The following HNF4A variants were observed in gnomAD, a reference collection of about 807,000 sequenced individuals.
HNF4A encodes hepatocyte nuclear factor 4-alpha.
In HNF4A, 15 loss-of-function variants were observed where a neutral mutation model predicts 52.4. That is an observed-to-expected ratio of 0.29 (90% CI 0.19 to 0.44). HNF4A has a LOEUF of 0.44. HNF4A is among the 20% of genes least tolerant of loss of function. The pLI is 1.00. For missense variants in HNF4A, 479 were observed against 647.2 expected (o/e 0.74, Z 2.82); for synonymous variants, 280 against 264.4 (o/e 1.06, Z -0.57).
intron 1 of HNF4A, among the ~76,000 whole-genome samples, chr20:44,368,137 T>TAC (rs1266975478): frequency 4.0e-3 from 167 of 41,484 alleles, no homozygotes; most frequent in African/African-American, 0.019. Flanking sequence ...TGTGTGTGTA[T>TAC]ATACATATAT....
chr20:44,429,326 G>C (rs532604755), intron 9 of HNF4A, among the ~76,000 whole-genome samples, 197 bp from the exon 10 acceptor site: 52 of 151,736 alleles, frequency 3.4e-4, no homozygotes, highest in African/African-American at 1.1e-3. Context: ...TAGGCTTTAT[G>C]ATCTGGGACT....
chr20:44,369,780 G>A (rs953855675), intron 1 of HNF4A, among the ~76,000 whole-genome samples: 1 of 151,862 alleles, frequency 6.6e-6, no homozygotes, highest in African/African-American at 2.4e-5. Flanking sequence ...GATTACAGGC[G>A]CGTGTCACCA....
Position 44,413,744 on chromosome 20 carries a change from G to A in HNF4A, c.436G>A (p.Asp146Asn). 6.2e-7 allele frequency: 1 copy of A among 1,614,000 alleles called. No individual in the cohort carries two copies. The highest frequency in any genetic ancestry group is 8.5e-7 in the Non-Finnish European group (1 of 1,179,962). ...CAGCACTCGAAGGTCAAGCTATGAG[G>A]ACAGCAGCCTGCCCTCCATCAATGC... is the stretch of plus-strand genomic sequence containing the variant. Residue 146 changes from aspartate (D) to asparagine (N), a missense_variant, in exon 4 of 10, where the codon GAC (aspartate) becomes AAC (asparagine). Asp to Asn is a conservative substitution (Grantham distance 23, BLOSUM62 1). Around this residue, in one of 3 missense-constraint regions of HNF4A, gnomAD observed 389 missense variants for 525.1 expected, o/e 0.74. Transcript: ENST00000316099.
At position 44,418,451 on chromosome 20, in the gene HNF4A, C is replaced by T. The variant is rs751231466; in HGVS notation, c.675C>T (p.Gly225=). The change falls in exon 6 of 10, where the codon GGC becomes GGT. Residue 225 remains glycine, a synonymous_variant. Transcript: ENST00000316099. ...TGGCCCTGCTCAGAGCCCATGCTGG[C>T]GAGCACCTGCTGCTCGGAGCCACCA... 2.9e-5 allele frequency: 46 copies of T among 1,613,730 alleles called. No individual in the cohort carries two copies. The Middle Eastern group carries it at 9.9e-4, about 35-fold the overall frequency.
At chr20:44,379,921 A>G (rs2063133609) in intron 1 of HNF4A, among the ~76,000 whole-genome samples, 2 of 152,010 alleles carry the variant, frequency 1.3e-5, no homozygotes, top group Admixed American at 1.3e-4. Context: ...TTTAGTAGAG[A>G]TGGGGTTTCA....
rs571956839 is a variant in HNF4A at position 44,384,296 on chromosome 20, T to C, written c.50-21762T>C. On this transcript the variant is annotated intron_variant, in intron 1 of 9. Coordinates refer to the HNF4A transcript ENST00000316673. ...TTTTCTCATTGCTTTCTACTTATGA[T>C]ACTGTTTCATTTGGTAGTAATAATA... is the stretch of plus-strand genomic sequence containing the variant. Among the ~76,000 whole-genome samples the C allele has an allele frequency of 9.9e-5, 15 of 152,108 alleles. No homozygotes were observed. The South Asian group carries it at 1.9e-3, about 19-fold the overall frequency.
chr20:44,409,224 A>G (rs1939618763), intron 3 of HNF4A, among the ~76,000 whole-genome samples: 1 of 152,138 alleles, frequency 6.6e-6, no homozygotes, highest in South Asian at 2.1e-4. Flanking sequence ...GGGCTTTTTA[A>G]GCTGCAAATA....
intron 1 of HNF4A, chr20:44,384,489 C>G (rs1170432902): frequency 4.6e-5 from 7 of 152,136 alleles, no homozygotes; most frequent in Non-Finnish European, 2.9e-5. Context: ...ACCCCTAAGT[C>G]TCAATGGTTT....
upstream of HNF4A, among the ~76,000 whole-genome samples, chr20:44,399,666 C>A (rs3787349): frequency 0.14 from 21,200 of 152,130 alleles, 1,606 homozygotes; most frequent in East Asian, 0.19. Flanking sequence ...ATTCACCCAC[C>A]CATTCACTCA....
At chr20:44,404,303 AC>A (rs1335526532) in intron 1 of HNF4A, among the ~76,000 whole-genome samples, 3 of 152,184 alleles carry the variant, frequency 2.0e-5, no homozygotes, top group Non-Finnish European at 2.9e-5. Context: ...AGAGAAGTAA[AC>A]GAACACAGTC....
At chr20:44,360,883 CCA>C (rs565428788) in intron 1 of HNF4A, among the ~76,000 whole-genome samples, 178 of 152,278 alleles carry the variant, frequency 1.2e-3, no homozygotes, top group African/African-American at 4.0e-3. Context: ...GTTTCTTCAC[CCA>C]TCAAATGAGC....
intron 1 of HNF4A, among the ~76,000 whole-genome samples, chr20:44,368,985 C>T (rs150304770): frequency 0.012 from 1,882 of 152,086 alleles, 27 homozygotes; most frequent in Middle Eastern, 0.017. Flanking sequence ...CGGTGGCTCA[C>T]GCCTGTAATC....
At chr20:44,371,796 C>T (rs1255254201) in intron 1 of HNF4A, among the ~76,000 whole-genome samples, 1 of 152,104 alleles carries the variant, frequency 6.6e-6, no homozygotes, top group Non-Finnish European at 1.5e-5. Flanking sequence ...GCACTCCAGC[C>T]TGGGCGACAG....
chr20:44,428,060 A>G (rs1000408337), intron 8 of HNF4A, among the ~76,000 whole-genome samples: 1 of 152,238 alleles, frequency 6.6e-6, no homozygotes, highest in African/African-American at 2.4e-5. Context: ...ACTACTCATT[A>G]GAACATTTAC....
chr20:44,355,973 G>A lies in HNF4A; in HGVS notation c.49+120G>A, dbSNP rs2062853086. 3.5e-6 allele frequency: 3 copies of A among 867,990 alleles called. No individual in the cohort carries two copies. The South Asian group carries it at 5.2e-5, about 15-fold the overall frequency. The allele number at this position is 867,990 out of a possible 1,614,324, so 53.8% of individuals were successfully genotyped here. ...AGCTCCTCCTGGAGCTCCTCTGGAA[G>A]GGCAGGAAGCCCCACGGAGGCAATG... On this transcript the variant is annotated intron_variant, in intron 1 of 9. Transcript: ENST00000316673.
At chr20:44,412,438 C>A (rs546108415) in intron 3 of HNF4A, among the ~76,000 whole-genome samples, 1 of 152,220 alleles carries the variant, frequency 6.6e-6, no homozygotes, top group Non-Finnish European at 1.5e-5. Flanking sequence ...AGGCAGTGAC[C>A]ACAGCAGCCT....
chr20:44,381,279 C>T (rs73907498), intron 1 of HNF4A, among the ~76,000 whole-genome samples: 1,716 of 110,164 alleles, frequency 0.016, 41 homozygotes, highest in African/African-American at 0.058. Flanking sequence ...TCAGTGAGAG[C>T]TTTTTTTTTT....
At chr20:44,424,328 AC>A in intron 8 of HNF4A, 74 bp downstream of exon 8, 12 of 1,588,016 alleles carry the variant, frequency 7.6e-6, no homozygotes, top group Non-Finnish European at 1.0e-5. Context: ...CAGTGAGCTC[AC>A]CCCTCAGCTC....
chr20:44,418,491 T>C lies in HNF4A; in HGVS notation c.715T>C (p.Phe239Leu). 6.2e-7 allele frequency: 1 copy of C among 1,613,006 alleles called. No homozygotes were observed. Among genetic ancestry groups the C allele is most frequent in the African/African-American group, 1.3e-5 (1 of 74,974 alleles). The change falls in exon 6 of 10, where the codon TTC (phenylalanine) becomes CTC (leucine). Residue 239 changes from phenylalanine to leucine, a missense_variant. Coordinates refer to ENST00000316099, the MANE Select transcript of HNF4A (RefSeq NM_000457.6). ...CGGAGCCACCAAGAGATCCATGGTG[T>C]TCAAGGACGTGCTGCTCCTAGGTGA...
Sources: allele counts gnomAD v4.1 joint callset (sites outside exome capture counted in the v4.1 genomes callset), GRCh38; gene constraint gnomAD v4.1.1; regional missense constraint gnomAD v4.1.1; transcripts MANE v1.5; gene names NCBI Gene and HGNC (gene_info 2026-07-23, HGNC 2026-07-21).